The following LPA variants were observed in gnomAD, a reference collection of about 807,000 sequenced individuals.
LPA encodes lipoprotein(a).
In LPA, 199 loss-of-function variants were observed where a neutral mutation model predicts 197.9. The observed-to-expected ratio is 1.01, with a 90% CI of 0.90 to 1.13. LPA has a LOEUF of 1.13. Ranked by LOEUF, LPA falls within the 50% of genes most tolerant of loss-of-function variation. The pLI is 0.00. For synonymous variants in LPA, 715 were observed against 639.5 expected (o/e 1.12, Z -1.78); for missense variants, 1,853 against 1,785.8 (o/e 1.04, Z -0.68).
intron 28 of LPA, among the ~76,000 whole-genome samples, chr6:160,560,753 G>T (rs1385843327): frequency 6.6e-6 from 1 of 152,038 alleles, no homozygotes; most frequent in Non-Finnish European, 1.5e-5. Flanking sequence ...TCTGATGAGA[G>T]TTTTTTGCTG....
intron 22 of LPA, among the ~76,000 whole-genome samples, chr6:160,591,976 T>C (rs539364070): frequency 6.6e-6 from 1 of 152,202 alleles, no homozygotes; most frequent in Non-Finnish European, 1.5e-5. Flanking sequence ...AATTTAACTA[T>C]GATGTACCCC....
chr6:160,656,770 A>G (rs754657506), intron 1 of LPA, among the ~76,000 whole-genome samples: 2 of 152,136 alleles, frequency 1.3e-5, no homozygotes, highest in South Asian at 2.1e-4. Flanking sequence ...TGGAACTGTA[A>G]CAGGTTCGAG....
chr6:160,590,048 T>C (rs929586762), intron 23 of LPA, among the ~76,000 whole-genome samples: 2 of 152,190 alleles, frequency 1.3e-5, no homozygotes, highest in Non-Finnish European at 1.5e-5. Flanking sequence ...GTGCCATGCA[T>C]CAGGCGGTGC....
intron 26 of LPA, among the ~76,000 whole-genome samples, chr6:160,580,296 G>C (rs1279491047): frequency 6.6e-6 from 1 of 151,820 alleles, no homozygotes; most frequent in Non-Finnish European, 1.5e-5. Context: ...CATTTAAATA[G>C]TTTTCATTTT....
intron 28 of LPA, among the ~76,000 whole-genome samples, chr6:160,566,981 T>C (rs187925327): frequency 0.014 from 2,199 of 152,222 alleles, 48 homozygotes; most frequent in African/African-American, 0.051. Context: ...CAGGAGCACC[T>C]AGATTCATAA....
intron 20 of LPA, among the ~76,000 whole-genome samples, chr6:160,597,624 T>G (rs1238595304): frequency 6.6e-6 from 1 of 152,250 alleles, no homozygotes; most frequent in Non-Finnish European, 1.5e-5. Flanking sequence ...TAATAGTCCT[T>G]TAATTTGATT....
At position 160,531,742 on chromosome 6, in the gene LPA, A is replaced by G; in HGVS notation, c.6110T>C (p.Met2037Thr). The G allele has an allele frequency of 6.2e-7, 1 of 1,612,856 alleles. No homozygotes were observed. Among genetic ancestry groups the G allele is most frequent in the East Asian group, 2.2e-5 (1 of 44,860 alleles). Residue 2037 changes from methionine to threonine, a missense_variant, in exon 39 of 39, where the codon ATG (methionine) becomes ACG (threonine). Met to Thr is a moderately conservative substitution (Grantham distance 81). Transcript: ENST00000316300. ...TCTCCCGTCCAATTAATTATTTCTC[A>G]TCATTCCCTCAATCCAAGTAACAAA... ...SRFVTWIEGM[M>T]RNN
At chr6:160,552,345 C>T (rs539336428) in intron 30 of LPA, among the ~76,000 whole-genome samples, 54 of 152,216 alleles carry the variant, frequency 3.5e-4, no homozygotes, top group South Asian at 2.1e-4. Flanking sequence ...ATCAATTTCA[C>T]GAGAACTGAT....
chr6:160,597,607 T>G (rs1779158487), intron 20 of LPA, among the ~76,000 whole-genome samples: 1 of 152,236 alleles, frequency 6.6e-6, no homozygotes. Context: ...ATTTAAGATA[T>G]ACCTTTTAAT....
Position 160,572,437 on chromosome 6 carries a change from G to A in LPA, c.4631+4699C>T, listed in dbSNP as rs749468669. Among the ~76,000 whole-genome samples, 3 of 152,046 alleles carry A rather than the reference G, an allele frequency of 2.0e-5. No homozygotes were observed. In the South Asian group the frequency reaches 6.2e-4, roughly 31 times the overall value. ...CACTGCATTCATCATATTCTTTATTGCCTCCGTACTTTGGTTTTGTTTTTT... is the reference window on the plus strand; with the variant it reads ...CACTGCATTCATCATATTCTTTATTACCTCCGTACTTTGGTTTTGTTTTTT... On this transcript the variant is annotated intron_variant, in intron 28 of 38. Coordinates refer to ENST00000316300, the MANE Select transcript of LPA (RefSeq NM_005577.4).
At chr6:160,651,831 A>T (rs1007597500) in intron 1 of LPA, among the ~76,000 whole-genome samples, 2 of 152,200 alleles carry the variant, frequency 1.3e-5, no homozygotes, top group Non-Finnish European at 2.9e-5. Context: ...TTCAGCAAAG[A>T]GATGGAAACT....
intron 1 of LPA, among the ~76,000 whole-genome samples, chr6:160,651,858 T>C (rs1780011751): frequency 6.6e-6 from 1 of 152,040 alleles, no homozygotes; most frequent in Admixed American, 6.6e-5. Context: ...AAGAGTAACA[T>C]GAAAATGCTA....
intron 16 of LPA, among the ~76,000 whole-genome samples, chr6:160,608,791 G>A (rs1779416082): frequency 6.7e-6 from 1 of 150,370 alleles, no homozygotes; most frequent in Non-Finnish European, 1.5e-5. Flanking sequence ...AGGTTCGGTT[G>A]GTTTTCTATT....
intron 1 of LPA, among the ~76,000 whole-genome samples, chr6:160,659,103 T>G (rs1780179480): frequency 6.6e-6 from 1 of 152,074 alleles, no homozygotes; most frequent in Non-Finnish European, 1.5e-5. Flanking sequence ...AGTCCGATGT[T>G]CAAGAGCAGG....
intron 1 of LPA, among the ~76,000 whole-genome samples, chr6:160,652,431 A>G (rs1780024174): frequency 6.6e-6 from 1 of 152,176 alleles, no homozygotes; most frequent in Non-Finnish European, 1.5e-5. Context: ...TCAACCCAGT[A>G]TCTATACTCA....
At chr6:160,658,920 A>G (rs983402182) in intron 1 of LPA, among the ~76,000 whole-genome samples, 4 of 152,042 alleles carry the variant, frequency 2.6e-5, no homozygotes, top group African/African-American at 9.7e-5. Flanking sequence ...GTATATGTAT[A>G]TATGTGTATA....
rs553415317 is a variant in LPA, at chr6:160,601,292, CT to C, written c.2946-195del. On this transcript the variant is annotated intron_variant, in intron 18 of 38. Transcript: ENST00000316300. Reference sequence around the variant, plus strand: ...ATTTCTCATACTTAATATATTATCACTTTTTTTAAAGAAAAAAAATCTAATG... The same window carrying C: ...ATTTCTCATACTTAATATATTATCACTTTTTTAAAGAAAAAAAATCTAATG... Among the ~76,000 whole-genome samples, 56 of 152,220 alleles carry C rather than the reference CT, an allele frequency of 3.7e-4. No homozygotes were observed. In the South Asian group the frequency reaches 0.011, roughly 29 times the overall value.
At position 160,606,603 on chromosome 6, in the gene LPA, A is replaced by T; in HGVS notation, c.2659T>A (p.Tyr887Asn). ...CACCTGACACTGGGATCCCTCGTAT[A>T]ACAATAAGGGGCTGCCACAGGATCT... Reference protein sequence around the residue: ...NPDPVAAPYCYTRDPSVRWEY... With the variant: ...NPDPVAAPYCNTRDPSVRWEY... Residue 887 changes from tyrosine to asparagine, a missense_variant, in exon 17 of 39, where the codon TAT becomes AAT. By Grantham distance (143) the Tyr-to-Asn change is moderately radical. Around this residue, in one of 3 missense-constraint regions of LPA, gnomAD observed 1,737 missense variants for 1,504.4 expected, o/e 1.15. Coordinates refer to ENST00000316300, the MANE Select transcript of LPA (RefSeq NM_005577.4). 1 of 1,613,968 alleles carries T rather than the reference A, an allele frequency of 6.2e-7. No individual in the cohort carries two copies. The highest frequency in any genetic ancestry group is 8.5e-7 in the Non-Finnish European group (1 of 1,179,954).
At chr6:160,537,234 GC>G (rs1198555193) in intron 37 of LPA, among the ~76,000 whole-genome samples, 16 of 152,154 alleles carry the variant, frequency 1.1e-4, no homozygotes, top group Admixed American at 1.0e-3. Context: ...ACCACATCAT[GC>G]ACAAAAATAT....
Sources: gnomAD v4.1 joint callset for allele counts (sites outside exome capture counted in the v4.1 genomes callset) on GRCh38, gnomAD v4.1.1 for gene constraint, gnomAD v4.1.1 regional missense constraint, MANE v1.5 for transcripts, NCBI Gene and HGNC (gene_info 2026-07-23, HGNC 2026-07-21) for gene names.